Variants in SLC39A12 observed in about 807,000 individuals in gnomAD.
The protein encoded by SLC39A12 is solute carrier family 39 member 12, also known as zinc transporter ZIP12.
SLC39A12 carries 63 observed loss-of-function variants against 71.1 expected under a neutral mutation model. That is an observed-to-expected ratio of 0.89 (90% CI 0.72 to 1.09). The LOEUF (loss-of-function observed/expected upper bound fraction) is 1.09, where lower values mean the gene tolerates loss of function less well. Among genes scored for constraint, SLC39A12 ranks in the 50% least tolerant of loss-of-function variants. SLC39A12 has a pLI of 0.00. For missense variants in SLC39A12, 892 were observed against 812.6 expected (o/e 1.10, Z -1.19); for synonymous variants, 351 against 301.3 (o/e 1.16, Z -1.71).
At chr10:18,042,342 A>C (rs1225072597) in intron 12 of SLC39A12, among the ~76,000 whole-genome samples, 1 of 151,888 alleles carries the variant, frequency 6.6e-6, no homozygotes, top group East Asian at 1.9e-4. Flanking sequence ...AGCTGGGTGC[A>C]ATGGCACGCA....
chr10:18,006,118 T>G (rs1400197618), intron 12 of SLC39A12, among the ~76,000 whole-genome samples: 2 of 152,204 alleles, frequency 1.3e-5, no homozygotes, highest in African/African-American at 4.8e-5. Context: ...ATATACTAGT[T>G]AATTGCTAAA....
At chr10:17,962,239 G>A (rs999761798) in intron 3 of SLC39A12, among the ~76,000 whole-genome samples, 12 of 152,158 alleles carry the variant, frequency 7.9e-5, no homozygotes, top group East Asian at 1.9e-4. Context: ...TTCTGGCTGC[G>A]AAAGGAGAAG....
intron 10 of SLC39A12, among the ~76,000 whole-genome samples, chr10:17,999,111 TGTG>T (rs1835761702): frequency 1.3e-5 from 2 of 151,854 alleles, no homozygotes; most frequent in Non-Finnish European, 2.9e-5. Flanking sequence ...AGCCTGACCA[TGTG>T]GTGAAACCCC....
intron 12 of SLC39A12, among the ~76,000 whole-genome samples, chr10:18,011,802 A>G (rs1354595047): frequency 6.6e-6 from 1 of 152,256 alleles, no homozygotes; most frequent in African/African-American, 2.4e-5. Context: ...ACAGTTTTCA[A>G]AAAAATGTAA....
intron 10 of SLC39A12, 42 bp from the exon 11 acceptor site, chr10:18,000,625 G>A (rs748972466): frequency 6.2e-7 from 1 of 1,600,104 alleles, no homozygotes; most frequent in Non-Finnish European, 8.6e-7. Flanking sequence ...GAAATATGTA[G>A]TGCTCTGTTA....
intron 12 of SLC39A12, among the ~76,000 whole-genome samples, chr10:18,025,020 G>A (rs915225866): frequency 5.3e-5 from 8 of 151,926 alleles, no homozygotes; most frequent in African/African-American, 1.5e-4. Flanking sequence ...GTTTGGTCTC[G>A]TTTCTTGATC....
intron 12 of SLC39A12, among the ~76,000 whole-genome samples, chr10:18,016,481 A>G (rs1187103453): frequency 4.6e-5 from 7 of 152,164 alleles, no homozygotes. Flanking sequence ...AATTTTGGTA[A>G]TTATGGATTA....
At chr10:18,011,385 A>T (rs1271409324) in intron 12 of SLC39A12, among the ~76,000 whole-genome samples, 8 of 152,186 alleles carry the variant, frequency 5.3e-5, no homozygotes. Context: ...CACTGCACTC[A>T]TCCCCCTTAT....
intron 6 of SLC39A12, among the ~76,000 whole-genome samples, chr10:17,985,926 T>G (rs1835386093): frequency 6.6e-6 from 1 of 152,206 alleles, no homozygotes; most frequent in Non-Finnish European, 1.5e-5. Flanking sequence ...GTTCAGATTT[T>G]TATTATCGAC....
In SLC39A12 at chr10:17,987,517, C is replaced by T; in HGVS notation, c.1135C>T (p.Leu379=). ...CACGGTGGCTGTCACCCTTCTCACA[C>T]TGGGCTCCATGCTGGGGACAGCGCT... The part of the protein sequence containing the change: ...YSTVAVTLLT[L]GSMLGTALVL... The change falls in exon 7 of 13, where the codon CTG becomes TTG. Residue 379 remains leucine, a synonymous_variant. Transcript: ENST00000377369. The T allele has an allele frequency of 6.2e-7, 1 of 1,614,026 alleles. No individual in the cohort carries two copies.
At chr10:17,963,239 G>A (rs79447574) in intron 3 of SLC39A12, among the ~76,000 whole-genome samples, 2,142 of 152,178 alleles carry the variant, frequency 0.014, 49 homozygotes, top group African/African-American at 0.049. Flanking sequence ...TAAACCAGGA[G>A]GCGTGCCTAC....
At chr10:17,981,287 A>G (rs202200743) in intron 5 of SLC39A12, 25 bp from the exon 6 acceptor site, 400 of 1,571,472 alleles carry the variant, frequency 2.5e-4, no homozygotes, top group Non-Finnish European at 3.4e-4. Context: ...GAGATTAGTA[A>G]CAATGTTATG....
intron 12 of SLC39A12, 148 bp from the exon 13 acceptor site, chr10:18,042,557 T>A: frequency 1.6e-6 from 1 of 615,704 alleles, no homozygotes; most frequent in East Asian, 3.6e-5. Context: ...AAAGACATGG[T>A]AGAGTAGGTA....
At chr10:17,966,708 A>G (rs12358385) in intron 4 of SLC39A12, among the ~76,000 whole-genome samples, 11,527 of 151,982 alleles carry the variant, frequency 0.076, 462 homozygotes, top group South Asian at 0.1. Flanking sequence ...GGTGGCTCAC[A>G]CCTGTAATCC....
At chr10:17,992,851 G>T (rs1479469698) in intron 8 of SLC39A12, among the ~76,000 whole-genome samples, 3 of 152,188 alleles carry the variant, frequency 2.0e-5, no homozygotes, top group African/African-American at 7.2e-5. Context: ...TACATTTCCA[G>T]AGACATTGTT....
intron 8 of SLC39A12, among the ~76,000 whole-genome samples, chr10:17,991,962 G>A (rs1047508320): frequency 1.3e-5 from 2 of 151,652 alleles, no homozygotes; most frequent in Admixed American, 6.6e-5. Context: ...GATGCCGCGC[G>A]CCTGTAATCC....
intron 7 of SLC39A12, among the ~76,000 whole-genome samples, chr10:17,989,144 C>G (rs528682980): frequency 1.3e-5 from 2 of 152,170 alleles, no homozygotes; most frequent in South Asian, 2.1e-4. Flanking sequence ...GTTCTCTTCC[C>G]TCTGAAATCT....
intron 6 of SLC39A12, among the ~76,000 whole-genome samples, chr10:17,983,693 A>C (rs1835329288): frequency 6.6e-6 from 1 of 151,976 alleles, no homozygotes; most frequent in Non-Finnish European, 1.5e-5. Flanking sequence ...GAGGCAGGAG[A>C]ATCATTTGAA....
chr10:18,031,394 G>A (rs1327727400), intron 12 of SLC39A12, among the ~76,000 whole-genome samples: 2 of 136,494 alleles, frequency 1.5e-5, no homozygotes, highest in African/African-American at 2.7e-5. Flanking sequence ...TTCTCTGATG[G>A]CCAGTGATGA....
Sources: allele counts gnomAD v4.1 joint callset (sites outside exome capture counted in the v4.1 genomes callset), GRCh38; gene constraint gnomAD v4.1.1; transcripts MANE v1.5; gene names NCBI Gene and HGNC (gene_info 2026-07-23, HGNC 2026-07-21).